The following CELF4 variants were observed in gnomAD, a reference collection of about 807,000 sequenced individuals.
The protein encoded by CELF4 is CUG-BP- and ETR-3-like factor 4.
In CELF4, 18 loss-of-function variants were observed where a neutral mutation model predicts 59.9. The observed-to-expected ratio is 0.30, with a 90% CI of 0.21 to 0.45. The LOEUF is 0.45. Among genes scored for constraint, CELF4 ranks in the 20% least tolerant of loss-of-function variants. The pLI, the probability that CELF4 is intolerant of heterozygous loss-of-function variation, is 1.00. For missense variants in CELF4, 456 were observed against 689.0 expected (o/e 0.66, Z 3.79); for synonymous variants, 261 against 267.1 (o/e 0.98, Z 0.22).
At chr18:37,430,575 G>A (rs1308499557) in intron 2 of CELF4, among the ~76,000 whole-genome samples, 6 of 152,212 alleles carry the variant, frequency 3.9e-5, no homozygotes, top group Admixed American at 6.5e-5. Flanking sequence ...GCCCAACCCA[G>A]CACAGAAACG....
chr18:37,512,761 TTTC>T (rs1213913645), intron 1 of CELF4, among the ~76,000 whole-genome samples: 1 of 151,948 alleles, frequency 6.6e-6, no homozygotes, highest in Admixed American at 6.6e-5. Flanking sequence ...GCTTTCTCTT[TTTC>T]TTCTTCCCTT....
intron 2 of CELF4, among the ~76,000 whole-genome samples, chr18:37,336,485 C>G (rs546228976): frequency 1.3e-5 from 2 of 152,194 alleles, no homozygotes; most frequent in Non-Finnish European, 2.9e-5. Flanking sequence ...TGTGGCCTAT[C>G]CTGTGTAGTT....
At chr18:37,369,249 G>T (rs1424681781) in intron 2 of CELF4, among the ~76,000 whole-genome samples, 1 of 152,164 alleles carries the variant, frequency 6.6e-6, no homozygotes, top group Admixed American at 6.6e-5. Context: ...GTGTATGGTG[G>T]GGGGGTGGGC....
At chr18:37,381,672 T>TA (rs1255968594) in intron 2 of CELF4, among the ~76,000 whole-genome samples, 1 of 152,176 alleles carries the variant, frequency 6.6e-6, no homozygotes, top group East Asian at 1.9e-4. Context: ...CTGGAGTTTT[T>TA]AGACTGTGAT....
chr18:37,344,642 T>C (rs1254221660), intron 2 of CELF4, among the ~76,000 whole-genome samples: 1 of 152,264 alleles, frequency 6.6e-6, no homozygotes, highest in Non-Finnish European at 1.5e-5. Flanking sequence ...AGAGTCACCA[T>C]GCATATGTGC....
intron 2 of CELF4, among the ~76,000 whole-genome samples, chr18:37,447,698 C>G (rs990736147): frequency 6.6e-6 from 1 of 152,244 alleles, no homozygotes; most frequent in Non-Finnish European, 1.5e-5. Context: ...TCTGCACCCT[C>G]TACCCATCTG....
At chr18:37,485,718 G>T in intron 1 of CELF4, 111 bp from the exon 2 acceptor site, 1 of 510,606 alleles carries the variant, frequency 2.0e-6, no homozygotes, top group Non-Finnish European at 3.1e-6. Flanking sequence ...CTCGGTCCCT[G>T]TCCCCACCTC....
chr18:37,383,138 C>T (rs186408731), intron 2 of CELF4, among the ~76,000 whole-genome samples: 2 of 152,318 alleles, frequency 1.3e-5, no homozygotes, highest in African/African-American at 4.8e-5. Context: ...ATCCTCTGGC[C>T]TTGCAAAGTG....
At chr18:37,472,647 A>G (rs144537449) in intron 2 of CELF4, among the ~76,000 whole-genome samples, 4 of 152,370 alleles carry the variant, frequency 2.6e-5, no homozygotes, top group East Asian at 1.9e-4. Context: ...TTAAGTGATT[A>G]GCCCAAGGTC....
Position 37,303,275 on chromosome 18 carries a change from C to G in CELF4, c.448+18528G>C, listed in dbSNP as rs568422751. Among the ~76,000 whole-genome samples the G allele has an allele frequency of 5.3e-5, 8 of 152,202 alleles. No individual in the cohort carries two copies. In the East Asian group the frequency reaches 1.6e-3, roughly 30 times the overall value. ...TTCCCTCCTCCCACCTACCCAGGCC[C>G]CCTGCAAAGCTTGCTCTGCAACAGG... On this transcript the variant is annotated intron_variant, in intron 3 of 12. Transcript: ENST00000420428.
At chr18:37,271,519 A>G (rs1008814079) in intron 7 of CELF4, among the ~76,000 whole-genome samples, 2 of 151,842 alleles carry the variant, frequency 1.3e-5, no homozygotes, top group African/African-American at 4.8e-5. Flanking sequence ...GCCTCCCAAA[A>G]TGCTGGGATT....
At chr18:37,562,075 G>A (rs763394670) in intron 1 of CELF4, among the ~76,000 whole-genome samples, 12 of 151,982 alleles carry the variant, frequency 7.9e-5, no homozygotes, top group Non-Finnish European at 1.8e-4. Flanking sequence ...GCCTCCAGGG[G>A]GTAAATTTAC....
intron 7 of CELF4, among the ~76,000 whole-genome samples, chr18:37,271,254 C>CTTTTTTTTTTTTTTTT (rs34833771): frequency 6.6e-5 from 7 of 105,536 alleles, no homozygotes; most frequent in African/African-American, 1.2e-4. Flanking sequence ...TCCTTCAGTC[C>CTTTTTTTTTTTTTTTT]TTTTTTTTTT....
At chr18:37,512,575 C>T (rs965909391) in intron 1 of CELF4, among the ~76,000 whole-genome samples, 1 of 151,748 alleles carries the variant, frequency 6.6e-6, no homozygotes, top group Non-Finnish European at 1.5e-5. Context: ...TTTATCTTGA[C>T]ACCTTTCTCG....
At chr18:37,269,006 A>C (rs2079073699) in intron 8 of CELF4, among the ~76,000 whole-genome samples, 1 of 152,170 alleles carries the variant, frequency 6.6e-6, no homozygotes, top group Non-Finnish European at 1.5e-5. Flanking sequence ...CACAGATGCC[A>C]GAGGGGGTTG....
At chr18:37,470,836 C>CTGTGTGTGTGTGTG (rs71381583) in intron 2 of CELF4, among the ~76,000 whole-genome samples, 22 of 93,132 alleles carry the variant, frequency 2.4e-4, no homozygotes, top group Admixed American at 2.5e-4. Flanking sequence ...CTTCATGACT[C>CTGTGTGTGTGTGTG]TGTGTGTGTG....
intron 1 of CELF4, among the ~76,000 whole-genome samples, chr18:37,503,662 C>T (rs1268163832): frequency 1.3e-5 from 2 of 152,184 alleles, no homozygotes; most frequent in Admixed American, 6.5e-5. Flanking sequence ...CCACTTCTGC[C>T]ACCAAGGTTT....
chr18:37,466,147 G>A (rs926299835), intron 2 of CELF4, among the ~76,000 whole-genome samples: 1 of 152,206 alleles, frequency 6.6e-6, no homozygotes, highest in Non-Finnish European at 1.5e-5. Flanking sequence ...ATCACTGTCA[G>A]CTGCCTAAAG....
At chr18:37,307,856 TAG>T (rs2096493166) in intron 3 of CELF4, among the ~76,000 whole-genome samples, 2 of 151,994 alleles carry the variant, frequency 1.3e-5, no homozygotes, top group African/African-American at 4.8e-5. Context: ...GGAAGGCCAG[TAG>T]GGACCCGCTG....
Sources: allele counts gnomAD v4.1 joint callset (sites outside exome capture counted in the v4.1 genomes callset), GRCh38; gene constraint gnomAD v4.1.1; transcripts MANE v1.5; gene names NCBI Gene and HGNC (gene_info 2026-07-23, HGNC 2026-07-21).